Variants in GRAMD1B observed in about 807,000 individuals in gnomAD.
The protein encoded by GRAMD1B is GRAM domain containing 1B.
In GRAMD1B, 37 loss-of-function variants were observed where a neutral mutation model predicts 99.7. That is an observed-to-expected ratio of 0.37 (90% confidence interval 0.29 to 0.49). The LOEUF (loss-of-function observed/expected upper bound fraction) is 0.49. GRAMD1B is among the 20% of genes least tolerant of loss of function. The pLI, the probability that GRAMD1B is intolerant of heterozygous loss-of-function variation, is 0.98. For synonymous variants in GRAMD1B, 427 were observed against 387.6 expected, an observed-to-expected ratio of 1.10 and a Z score of -1.19; for missense variants, 888 against 1,009.2, an observed-to-expected ratio of 0.88 and a Z score of 1.63.
rs1406270827 is a variant in GRAMD1B, at chr11:123,623,507, T to A, written c.*912T>A. 2 of 152,350 alleles carry A rather than the reference T, an allele frequency of 1.3e-5. No individual in the cohort carries two copies. Among genetic ancestry groups the A allele is most frequent in the Admixed American group, 1.3e-4 (2 of 15,272 alleles). 9.4% of individuals were successfully genotyped at this position (152,350 alleles called of 1,614,324 possible). A position where few individuals can be genotyped will look rare whatever the true frequency, so the allele number is the denominator to read the frequency against. ...AAGTCAGGTCTGTGGCTCTGAGGCC[T>A]TCACTTAGAGCTGTCAGTGTGATTT... is the stretch of plus-strand genomic sequence containing the variant. On this transcript the variant is annotated 3_prime_UTR_variant, in exon 20 of 20. Transcript: ENST00000635736.
At chr11:123,537,999 T>C (rs1237247064) in intron 2 of GRAMD1B, among the ~76,000 whole-genome samples, 1 of 152,202 alleles carries the variant, frequency 6.6e-6, no homozygotes, top group Admixed American at 6.5e-5. Context: ...TATAATATAA[T>C]TCATAGTTGT....
In GRAMD1B at chr11:123,535,484, A is replaced by G. The variant is rs150217920; in HGVS notation, c.453-41883A>G. ...AGCTGGTAGGAATCGGTAGCTTTATATTTCACAATTGAGAGAAGGTTTGCT... is the reference window on the plus strand; with the variant it reads ...AGCTGGTAGGAATCGGTAGCTTTATGTTTCACAATTGAGAGAAGGTTTGCT... On this transcript the variant is annotated intron_variant, in intron 2 of 19. Transcript: ENST00000635736. 3.0e-4 allele frequency among the ~76,000 whole-genome samples: 45 copies of G among 152,236 alleles called. No homozygotes were observed. The East Asian group carries it at 7.7e-3, about 26-fold the overall frequency.
At chr11:123,458,192 C>T (rs1280614251) in intron 1 of GRAMD1B, among the ~76,000 whole-genome samples, 1 of 152,146 alleles carries the variant, frequency 6.6e-6, no homozygotes, top group Non-Finnish European at 1.5e-5. Flanking sequence ...ACACCGGAGA[C>T]CCTGGGATGC....
chr11:123,452,216 CA>C (rs1203834304), intron 1 of GRAMD1B, among the ~76,000 whole-genome samples: 2 of 152,142 alleles, frequency 1.3e-5, no homozygotes, highest in Non-Finnish European at 2.9e-5. Flanking sequence ...ATGTGACAGT[CA>C]AGTCCAACAG....
chr11:123,397,851 C>T (rs1027361848), intron 1 of GRAMD1B, among the ~76,000 whole-genome samples: 4 of 152,158 alleles, frequency 2.6e-5, no homozygotes, highest in Non-Finnish European at 5.9e-5. Flanking sequence ...ACTTTCCCAT[C>T]TGGCCTCTTA....
intron 2 of GRAMD1B, among the ~76,000 whole-genome samples, chr11:123,517,923 C>A (rs1249962465): frequency 6.6e-6 from 1 of 152,154 alleles, no homozygotes; most frequent in African/African-American, 2.4e-5. Flanking sequence ...CGGAGAGAAC[C>A]TGAGTTTATA....
At chr11:123,455,721 A>G (rs998611749) in intron 1 of GRAMD1B, among the ~76,000 whole-genome samples, 2 of 151,678 alleles carry the variant, frequency 1.3e-5, no homozygotes, top group African/African-American at 4.9e-5. Context: ...TGAAATTATC[A>G]TCTTCTTTTA....
rs1212010935 is a variant in GRAMD1B at position 123,492,093 on chromosome 11, G to T, written c.452+11200G>T. The T allele has an allele frequency of 1.3e-5, 5 of 393,936 alleles. No homozygotes were observed. The highest frequency in any genetic ancestry group is 1.4e-4 in the South Asian group (1 of 6,988). The allele number at this position is 393,936 out of a possible 1,614,324, so 24.4% of individuals were successfully genotyped here. A position where few individuals can be genotyped will look rare whatever the true frequency, so the allele number is the denominator to read the frequency against. The stretch of plus-strand genomic sequence containing the variant: ...AAGAGGCTGAAGGGAAAGGCCAAGG[G>T]GTATGGGTGGCTGGGATGTTGACTG... On this transcript the variant is annotated intron_variant, in intron 2 of 19. Coordinates refer to ENST00000635736, the MANE Select transcript of GRAMD1B (RefSeq NM_001387025.1). This position sits in a 1 kb window ranked among gnomAD's most constrained non-coding sequence, Gnocchi z 4.2.
intron 1 of GRAMD1B, among the ~76,000 whole-genome samples, chr11:123,461,959 GTTTA>G (rs1287341998): frequency 2.9e-5 from 4 of 137,720 alleles, no homozygotes; most frequent in Admixed American, 7.4e-5. Flanking sequence ...ATGGTCATTT[GTTTA>G]TTTCTTTTTT....
rs1469735237 is a variant in GRAMD1B at position 123,610,412 on chromosome 11, G to A, written c.1919+74G>A. 1.4e-6 allele frequency: 2 copies of A among 1,458,474 alleles called. No individual in the cohort carries two copies. The highest frequency in any genetic ancestry group is 1.9e-6 in the Non-Finnish European group (2 of 1,044,130). The allele number at this position is 1,458,474 out of a possible 1,614,324, so 90.3% of individuals were successfully genotyped here. On this transcript the variant is annotated intron_variant, in intron 14 of 19. Coordinates refer to ENST00000635736, the MANE Select transcript of GRAMD1B (RefSeq NM_001387025.1). The surrounding 1 kb of genome is among the most constrained non-coding windows in gnomAD (Gnocchi z 4.1). Reference sequence around the variant, plus strand: ...AGAGAACATTCATTTGCTCCTGACGGGGAAGGAGGAGGTGGGGAGTGCTTG... The same window carrying A: ...AGAGAACATTCATTTGCTCCTGACGAGGAAGGAGGAGGTGGGGAGTGCTTG...
chr11:123,401,006 GCTCT>G (rs139874399), intron 1 of GRAMD1B, among the ~76,000 whole-genome samples: 1 of 151,910 alleles, frequency 6.6e-6, no homozygotes, highest in African/African-American at 2.4e-5. Flanking sequence ...AACAGAGCAT[GCTCT>G]CTCTCTCTAA....
intron 1 of GRAMD1B, among the ~76,000 whole-genome samples, chr11:123,454,163 C>G (rs191244761): frequency 3.3e-5 from 5 of 152,344 alleles, no homozygotes; most frequent in Admixed American, 3.3e-4. Context: ...CTCTTACACA[C>G]ATTGGTCATC....
At chr11:123,554,542 A>G (rs77282283) in intron 2 of GRAMD1B, among the ~76,000 whole-genome samples, 11,808 of 143,632 alleles carry the variant, frequency 0.082, 1,438 homozygotes, top group African/African-American at 0.28. Context: ...AAAAAAAAAA[A>G]AAAGAAAGAA....
chr11:123,616,375 A>C (rs765685590), intron 17 of GRAMD1B, among the ~76,000 whole-genome samples: 7 of 152,260 alleles, frequency 4.6e-5, no homozygotes, highest in African/African-American at 7.2e-5. Context: ...AGTCACACTT[A>C]GCAACATCGA....
In GRAMD1B at chr11:123,405,899, G is replaced by A. The variant is rs143968134; in HGVS notation, c.-176+47100G>A. Among the ~76,000 whole-genome samples the A allele has an allele frequency of 7.3e-3, 1,104 of 152,056 alleles. 7 individuals are homozygous for A. The highest frequency in any genetic ancestry group is 0.027 in the Middle Eastern group (8 of 294). On this transcript the variant is annotated intron_variant, in intron 1 of 20. Coordinates refer to the GRAMD1B transcript ENST00000638157. Reference sequence around the variant, plus strand: ...GCTTTACATGGAGAAGGTGAGTGTTGTTTCTTAAATTCTTTTTCAGTATTT... The same window carrying A: ...GCTTTACATGGAGAAGGTGAGTGTTATTTCTTAAATTCTTTTTCAGTATTT...
At chr11:123,534,060 G>A (rs927300166) in intron 2 of GRAMD1B, among the ~76,000 whole-genome samples, 3 of 152,178 alleles carry the variant, frequency 2.0e-5, no homozygotes, top group African/African-American at 4.8e-5. Flanking sequence ...GGGCACCAAC[G>A]CCCATGCAGT....
At chr11:123,500,526 A>G (rs1939745652) in intron 2 of GRAMD1B, among the ~76,000 whole-genome samples, 2 of 152,188 alleles carry the variant, frequency 1.3e-5, no homozygotes, top group South Asian at 4.1e-4. Context: ...GAAGAAATTG[A>G]TAACTATAGG....
At position 123,623,113 on chromosome 11, in the gene GRAMD1B, T is replaced by G. The variant is rs1955307877; in HGVS notation, c.*518T>G. 6.6e-6 allele frequency: 1 copy of G among 152,180 alleles called. No homozygotes were observed. Among genetic ancestry groups the G allele is most frequent in the Non-Finnish European group, 1.5e-5 (1 of 68,028 alleles). The allele number at this position is 152,180 out of a possible 1,614,324, so 9.4% of individuals were successfully genotyped here. A position where few individuals can be genotyped will look rare whatever the true frequency, so the allele number is the denominator to read the frequency against. On this transcript the variant is annotated 3_prime_UTR_variant, in exon 20 of 20. Coordinates refer to ENST00000635736, the MANE Select transcript of GRAMD1B (RefSeq NM_001387025.1). The stretch of plus-strand genomic sequence containing the variant: ...ACAGAAGCATCAAGGGAGCCCAGTC[T>G]AAACTCCTAGGGTTGGCCGCCCACT...
chr11:123,541,072 C>T (rs1345498367), intron 2 of GRAMD1B, among the ~76,000 whole-genome samples: 1 of 152,142 alleles, frequency 6.6e-6, no homozygotes, highest in African/African-American at 2.4e-5. Flanking sequence ...CTCCCGGGTT[C>T]AAGGAGTTCT....
Sources: gnomAD v4.1 joint callset for allele counts (sites outside exome capture counted in the v4.1 genomes callset) on GRCh38, gnomAD v4.1.1 for gene constraint, Gnocchi (gnomAD v3.1) non-coding constraint, MANE v1.5 for transcripts, NCBI Gene and HGNC (gene_info 2026-07-23, HGNC 2026-07-21) for gene names.